The following UNC13C variants were observed in gnomAD, a reference collection of about 807,000 sequenced individuals.
The protein encoded by UNC13C is unc-13 homolog C.
A neutral mutation model predicts 245.4 loss-of-function variants in UNC13C; 174 were observed. The ratio of observed to expected loss-of-function variants is 0.71; its 90% CI spans 0.63 to 0.80. UNC13C has a LOEUF of 0.80. Among genes scored for constraint, UNC13C ranks in the 30% least tolerant of loss-of-function variants. The pLI is 0.00. For missense variants in UNC13C, 2,829 were observed against 2,602.9 expected (o/e 1.09, Z -1.89); for synonymous variants, 992 against 895.1 (o/e 1.11, Z -1.93).
intron 13 of UNC13C, among the ~76,000 whole-genome samples, chr15:54,301,106 A>G (rs1262120935): frequency 1.3e-5 from 2 of 152,116 alleles, no homozygotes; most frequent in African/African-American, 2.4e-5. Flanking sequence ...TTATAAGTGC[A>G]TATGGTTCAG....
At chr15:54,476,883 A>G (rs1337014543) in intron 19 of UNC13C, among the ~76,000 whole-genome samples, 6 of 151,314 alleles carry the variant, frequency 4.0e-5, no homozygotes, top group East Asian at 2.0e-4. Context: ...CATTGAATCT[A>G]TAAATTACCT....
intron 26 of UNC13C, among the ~76,000 whole-genome samples, chr15:54,543,545 T>C (rs572289890): frequency 6.6e-6 from 1 of 151,580 alleles, no homozygotes; most frequent in South Asian, 2.1e-4. Flanking sequence ...GATAGACTAC[T>C]AGCAAGACTA....
intron 1 of UNC13C, among the ~76,000 whole-genome samples, chr15:53,982,604 A>G (rs1430747726): frequency 6.6e-6 from 1 of 152,170 alleles, no homozygotes; most frequent in Non-Finnish European, 1.5e-5. Context: ...TTTATTAATG[A>G]GAAATCTTAA....
At chr15:54,286,082 T>A (rs2037141332) in intron 10 of UNC13C, among the ~76,000 whole-genome samples, 1 of 152,132 alleles carries the variant, frequency 6.6e-6, no homozygotes, top group Non-Finnish European at 1.5e-5. Context: ...GGTTTCACCA[T>A]TTTGGCCAGG....
intron 14 of UNC13C, among the ~76,000 whole-genome samples, chr15:54,327,901 G>C (rs977685327): frequency 2.6e-5 from 4 of 152,040 alleles, no homozygotes; most frequent in Non-Finnish European, 5.9e-5. Flanking sequence ...GGCATTCTTG[G>C]ATTATGAAAC....
chr15:54,519,982 A>T (rs529419441), intron 24 of UNC13C, among the ~76,000 whole-genome samples: 1 of 152,320 alleles, frequency 6.6e-6, no homozygotes, highest in South Asian at 2.1e-4. Flanking sequence ...AAGAAAACAT[A>T]AAAAAAGCAA....
chr15:54,044,963 T>C (rs1008628640), intron 2 of UNC13C, among the ~76,000 whole-genome samples: 3 of 152,180 alleles, frequency 2.0e-5, no homozygotes, highest in African/African-American at 7.2e-5. Context: ...TTTTTATATA[T>C]TCTAGTTACA....
chr15:54,228,303 G>A (rs2035453129), intron 4 of UNC13C, among the ~76,000 whole-genome samples: 1 of 152,102 alleles, frequency 6.6e-6, no homozygotes, highest in South Asian at 2.1e-4. Context: ...CAAAAGCCAA[G>A]GCATGGAATC....
Position 54,483,698 on chromosome 15 carries a change from G to A in UNC13C, c.4934-10910G>A, listed in dbSNP as rs139147656. On this transcript the variant is annotated intron_variant, in intron 19 of 32. Coordinates refer to ENST00000260323, the MANE Select transcript of UNC13C (RefSeq NM_001080534.3). ...TTTGGTAGAAATGGAGTTTCACCCC[G>A]TCTGCCTCTGCCTCCCAGGGTGCTG... Among the ~76,000 whole-genome samples, 530 of 152,204 alleles carry A rather than the reference G, an allele frequency of 3.5e-3. 2 individuals are homozygous for A. Among genetic ancestry groups the A allele is most frequent in the African/African-American group, 0.012 (498 of 41,544 alleles).
At chr15:53,890,237 G>T in the UNC13C span, among the ~76,000 whole-genome samples, 1 of 151,878 alleles carries the variant, frequency 6.6e-6, no homozygotes, top group Non-Finnish European at 1.5e-5. Context: ...CGCCTTCTGG[G>T]TTCACACCAT....
intron 10 of UNC13C, among the ~76,000 whole-genome samples, chr15:54,286,766 C>T (rs60165649): frequency 0.012 from 1,874 of 152,204 alleles, 37 homozygotes; most frequent in African/African-American, 0.043. Context: ...CTCTGCAGAG[C>T]ACAGCACCTG....
intron 20 of UNC13C, among the ~76,000 whole-genome samples, chr15:54,497,486 T>C (rs150011173): frequency 1.3e-5 from 2 of 152,154 alleles, no homozygotes; most frequent in South Asian, 2.1e-4. Flanking sequence ...CACAGAGATA[T>C]GAGTCCAACA....
intron 19 of UNC13C, among the ~76,000 whole-genome samples, chr15:54,476,527 G>A (rs1442480824): frequency 6.6e-6 from 1 of 151,706 alleles, no homozygotes; most frequent in Admixed American, 6.6e-5. Context: ...TTCTACATAT[G>A]GCTGGCCAGT....
intron 30 of UNC13C, among the ~76,000 whole-genome samples, chr15:54,597,601 CAT>C (rs1363606147): frequency 6.6e-6 from 1 of 151,776 alleles, no homozygotes; most frequent in East Asian, 1.9e-4. Flanking sequence ...CTGTGTAAAA[CAT>C]AATAATTACA....
intron 4 of UNC13C, among the ~76,000 whole-genome samples, chr15:54,234,163 A>C (rs1373221537): frequency 6.6e-6 from 1 of 151,936 alleles, no homozygotes; most frequent in East Asian, 1.9e-4. Context: ...ACAGTTATCA[A>C]TTTCATAATT....
At chr15:54,331,406 A>G (rs1156496699) in intron 14 of UNC13C, among the ~76,000 whole-genome samples, 1 of 152,066 alleles carries the variant, frequency 6.6e-6, no homozygotes, top group Non-Finnish European at 1.5e-5. Flanking sequence ...GGACAGTTCA[A>G]CACTGATACT....
chr15:54,302,448 A>G (rs1021600641), intron 13 of UNC13C, among the ~76,000 whole-genome samples: 2 of 152,206 alleles, frequency 1.3e-5, no homozygotes, highest in Admixed American at 1.3e-4. Flanking sequence ...TCTTTAATCC[A>G]TCTTGAGTTA....
chr15:54,309,431 A>AT (rs908803498), intron 13 of UNC13C, among the ~76,000 whole-genome samples: 2 of 151,644 alleles, frequency 1.3e-5, no homozygotes, highest in African/African-American at 4.8e-5. Flanking sequence ...TAGTTGGCAA[A>AT]TTTTTTCTCC....
At chr15:54,615,886 C>T (rs1900403237) in intron 30 of UNC13C, among the ~76,000 whole-genome samples, 1 of 152,098 alleles carries the variant, frequency 6.6e-6, no homozygotes. Flanking sequence ...ATAAGACCTA[C>T]CACTAATATT....
Sources: gnomAD v4.1 joint callset for allele counts (sites outside exome capture counted in the v4.1 genomes callset) on GRCh38, gnomAD v4.1.1 for gene constraint, MANE v1.5 for transcripts, NCBI Gene and HGNC (gene_info 2026-07-23, HGNC 2026-07-21) for gene names.